HYDIN: variants seen among roughly 807,000 people sequenced by gnomAD.
HYDIN encodes the protein axonemal central pair apparatus protein HYDIN.
Under a neutral mutation model 403.9 loss-of-function variants are expected in HYDIN, and 132 were observed. The ratio of observed to expected loss-of-function variants is 0.33; its 90% confidence interval spans 0.28 to 0.38. HYDIN has a LOEUF of 0.38. HYDIN is among the 10% of genes least tolerant of loss of function. The pLI is 1.00. For missense variants in HYDIN, 2,827 were observed against 5,009.5 expected (o/e 0.56, Z 13.15); for synonymous variants, 1,202 against 1,891.7 (o/e 0.64, Z 9.46).
intron 7 of HYDIN, among the ~76,000 whole-genome samples, chr16:71,138,620 G>T (rs953247163): frequency 3.3e-5 from 5 of 151,606 alleles, no homozygotes; most frequent in African/African-American, 1.2e-4. Context: ...ATGCACTCTT[G>T]TCAACTTTTA....
At chr16:71,129,454 T>C (rs1568197797) in intron 9 of HYDIN, among the ~76,000 whole-genome samples, 186 bp downstream of exon 9, 1 of 152,226 alleles carries the variant, frequency 6.6e-6, no homozygotes, top group Non-Finnish European at 1.5e-5. Flanking sequence ...GACCTATATA[T>C]GTGTCCCATG....
chr16:70,952,784 T>TA (rs962836270), intron 40 of HYDIN, 149 bp from the exon 41 acceptor site: 11 of 316,560 alleles, frequency 3.5e-5, no homozygotes, highest in Middle Eastern at 9.4e-4. Flanking sequence ...GTTGCCACAT[T>TA]AAAAAGGTAA....
chr16:70,899,645 G>A (rs1349888196), intron 53 of HYDIN, among the ~76,000 whole-genome samples: 2 of 152,268 alleles, frequency 1.3e-5, no homozygotes, highest in Non-Finnish European at 2.9e-5. Flanking sequence ...TAAGTCAGGT[G>A]AGATCCTGCC....
In HYDIN at chr16:70,860,163, A is replaced by G. The variant is rs755314714; in HGVS notation, c.12034T>C (p.Cys4012Arg). 1.3e-5 allele frequency: 21 copies of G among 1,613,978 alleles called. No individual in the cohort carries two copies. The highest frequency in any genetic ancestry group is 2.2e-5 in the East Asian group (1 of 44,898). Reference protein sequence around the residue: ...LNPTNSTYSFCWISEEIESLQ... With the variant: ...LNPTNSTYSFRWISEEIESLQ... ...CTTTCAATTTCTTCAGAGATCCAGC[A>G]GAAGGAGTAGGTGCTATTGGTTGGG... Residue 4012 changes from cysteine (C) to arginine (R), a missense_variant, in exon 71 of 86, where the codon TGC (cysteine) becomes CGC (arginine). Coordinates refer to ENST00000393567, the MANE Select transcript of HYDIN (RefSeq NM_001270974.2).
chr16:71,197,711 C>T (rs537195293), intron 1 of HYDIN, among the ~76,000 whole-genome samples: 6 of 152,268 alleles, frequency 3.9e-5, no homozygotes, highest in African/African-American at 1.2e-4. Flanking sequence ...ACTATCCTCA[C>T]TTTTTGTAGA....
At chr16:70,917,988 C>A (rs928794288) in intron 47 of HYDIN, among the ~76,000 whole-genome samples, 7 of 151,718 alleles carry the variant, frequency 4.6e-5, no homozygotes, top group African/African-American at 1.7e-4. Flanking sequence ...AATCATTATC[C>A]GTTTCCTCTT....
chr16:70,944,713 G>A (rs538937359), intron 41 of HYDIN, among the ~76,000 whole-genome samples: 2 of 152,246 alleles, frequency 1.3e-5, no homozygotes, highest in South Asian at 4.2e-4. Context: ...TGGGAAGTTG[G>A]TGTGTTTCAG....
chr16:71,027,640 T>C lies in HYDIN; in HGVS notation c.3004A>G (p.Ile1002Val), dbSNP rs748919359. The C allele has an allele frequency of 1.2e-6, 2 of 1,613,450 alleles. No homozygotes were observed. The highest frequency in any genetic ancestry group is 1.1e-5 in the South Asian group (1 of 90,962). Residue 1002 changes from isoleucine to valine, a missense_variant, in exon 20 of 86, where the codon ATT becomes GTT. By Grantham distance (29) the Ile-to-Val change is conservative. Transcript: ENST00000393567. Reference protein sequence around the residue: ...ASMELYPGQAIDVILEGYSAT... With the variant: ...ASMELYPGQAVDVILEGYSAT... ...GAATAGCCTTCGAGTATCACATCAA[T>C]TGCCTGGCCTGGGTACAGCTCCATG...
intron 53 of HYDIN, among the ~76,000 whole-genome samples, chr16:70,897,230 GC>G: frequency 6.6e-6 from 1 of 152,160 alleles, no homozygotes; most frequent in South Asian, 2.1e-4. Context: ...TAACTAGGAG[GC>G]GGTAAAGGGT....
At chr16:70,897,890 C>T (rs368955831) in intron 53 of HYDIN, among the ~76,000 whole-genome samples, 8 of 151,740 alleles carry the variant, frequency 5.3e-5, no homozygotes, top group South Asian at 2.1e-4. Flanking sequence ...AAAATGTGGC[C>T]GGTTGCAGTG....
intron 1 of HYDIN, among the ~76,000 whole-genome samples, chr16:71,212,108 G>A (rs558176240): frequency 1.8e-4 from 27 of 152,284 alleles, no homozygotes; most frequent in African/African-American, 6.0e-4. Flanking sequence ...TCTTTGACTG[G>A]ATCCTTGAAA....
At chr16:71,110,274 CATAATAT>C (rs1424846347) in intron 10 of HYDIN, among the ~76,000 whole-genome samples, 1 of 141,176 alleles carries the variant, frequency 7.1e-6, no homozygotes, top group Non-Finnish European at 1.5e-5. Context: ...TTATGATATA[CATAATAT>C]ATAATAGATA....
chr16:71,100,020 A>G (rs2083407272), intron 10 of HYDIN, among the ~76,000 whole-genome samples: 1 of 152,104 alleles, frequency 6.6e-6, no homozygotes, highest in South Asian at 2.1e-4. Context: ...TAAATAAAAT[A>G]AAATAAACAA....
chr16:70,866,467 T>C (rs2502687), intron 66 of HYDIN, 138 bp from the exon 67 acceptor site: 71,589 of 668,832 alleles, frequency 0.11, 9,605 homozygotes, highest in African/African-American at 0.54. Context: ...AAAGTCCTGG[T>C]GGATCACTAG....
At chr16:71,023,913 T>C (rs986379563) in intron 21 of HYDIN, among the ~76,000 whole-genome samples, 3 of 152,176 alleles carry the variant, frequency 2.0e-5, no homozygotes, top group Non-Finnish European at 4.4e-5. Context: ...CCCCAGTTGA[T>C]ACCTCATGAC....
chr16:70,957,419 C>A (rs1458161024), intron 39 of HYDIN, among the ~76,000 whole-genome samples: 2 of 151,924 alleles, frequency 1.3e-5, no homozygotes, highest in African/African-American at 2.4e-5. Context: ...CTCTGCCTCC[C>A]GGGTTCAAAT....
At chr16:70,849,994 G>T (rs1285114529) in intron 74 of HYDIN, 47 bp from the exon 75 acceptor site, 9 of 592,594 alleles carry the variant, frequency 1.5e-5, no homozygotes, top group Non-Finnish European at 2.7e-5. Context: ...TAGTTCCCTT[G>T]TCTGGGGTCA....
intron 42 of HYDIN, among the ~76,000 whole-genome samples, chr16:70,942,727 C>T (rs1597378447): frequency 2.0e-5 from 3 of 152,004 alleles, no homozygotes; most frequent in African/African-American, 2.4e-5. Flanking sequence ...GAACAGGTAC[C>T]GTGGCCACAT....
At chr16:71,168,319 CAAA>C (rs71302043) in intron 5 of HYDIN, among the ~76,000 whole-genome samples, 4 of 86,460 alleles carry the variant, frequency 4.6e-5, no homozygotes. Context: ...AACCCTGCTT[CAAA>C]AAAAAAAAAA....
Sources: allele counts gnomAD v4.1 joint callset (sites outside exome capture counted in the v4.1 genomes callset), GRCh38; gene constraint gnomAD v4.1.1; transcripts MANE v1.5; gene names NCBI Gene and HGNC (gene_info 2026-07-23, HGNC 2026-07-21).